The following GINS1 variants were observed in gnomAD, a reference collection of about 807,000 sequenced individuals.
GINS1 encodes the protein DNA replication complex GINS protein PSF1.
GINS1 carries 26 observed loss-of-function variants against 34.9 expected under a neutral mutation model. That is an observed-to-expected ratio of 0.74 (90% CI 0.55 to 1.03). The LOEUF (loss-of-function observed/expected upper bound fraction) is 1.03, where lower values mean the gene tolerates loss of function less well. GINS1 is among the 50% of genes least tolerant of loss of function. The pLI is 0.00. For synonymous variants in GINS1, 97 were observed against 84.4 expected, an observed-to-expected ratio of 1.15 and a Z score of -0.82; for missense variants, 235 against 237.9, an observed-to-expected ratio of 0.99 and a Z score of 0.08.
chr20:25,418,282 T>A, intron 4 of GINS1, 87 bp downstream of exon 4: 2 of 843,812 alleles, frequency 2.4e-6, no homozygotes. Flanking sequence ...GTATTCCTCT[T>A]TTTGTGTTTA....
At position 25,413,859 on chromosome 20, in the gene GINS1, G is replaced by C. The variant is rs1263157207; in HGVS notation, c.140+5G>C. ...TGAACAAAACCAGTCTGATGTGTAAGTTTCATAAGATGATATTCTAAAACA... is the reference window on the plus strand; with the variant it reads ...TGAACAAAACCAGTCTGATGTGTAACTTTCATAAGATGATATTCTAAAACA... On this transcript the variant is annotated splice_donor_5th_base_variant and intron_variant, in intron 2 of 6. Transcript: ENST00000262460. The C allele has an allele frequency of 8.1e-6, 12 of 1,489,298 alleles. No individual in the cohort carries two copies. Among genetic ancestry groups the C allele is most frequent in the Non-Finnish European group, 1.1e-5 (12 of 1,065,980 alleles). The allele number at this position is 1,489,298 out of a possible 1,614,324, so 92.3% of individuals were successfully genotyped here.
chr20:25,417,966 C>T (rs1430725000), intron 3 of GINS1, 139 bp from the exon 4 acceptor site: 2 of 673,836 alleles, frequency 3.0e-6, no homozygotes, highest in African/African-American at 1.7e-5. Flanking sequence ...CAGGTCGACT[C>T]TCAGACTGTG....
Position 25,441,703 on chromosome 20 carries a change from TCCG to T in GINS1, c.450_452del (p.Arg151del). ...AACATCTCTCATTTTTTCTTTCAGG[TCCG>T]GTGTCTAAAAGACTATGGAGAATTT... On this transcript the variant is annotated inframe_deletion and splice_region_variant, in exon 6 of 7. Coordinates refer to ENST00000262460, the MANE Select transcript of GINS1 (RefSeq NM_021067.5). The T allele has an allele frequency of 6.6e-7, 1 of 1,512,706 alleles. No individual in the cohort carries two copies. The highest frequency in any genetic ancestry group is 9.1e-7 in the Non-Finnish European group (1 of 1,103,468). 93.7% of individuals were successfully genotyped at this position (1,512,706 alleles called of 1,614,324 possible).
At chr20:25,442,132 A>G (rs946976570) in intron 6 of GINS1, among the ~76,000 whole-genome samples, 5 of 152,214 alleles carry the variant, frequency 3.3e-5, no homozygotes, top group African/African-American at 9.7e-5. Flanking sequence ...AAAGTTCCTA[A>G]GCAGTTTTTT....
intron 5 of GINS1, among the ~76,000 whole-genome samples, chr20:25,428,967 C>CTTTTTTTTT (rs1241187859): frequency 4.4e-5 from 5 of 114,222 alleles, no homozygotes; most frequent in Admixed American, 1.1e-4. Context: ...TCATTCCTCT[C>CTTTTTTTTT]TCTTTTTTTT....
At chr20:25,427,646 G>T (rs1483280499) in intron 5 of GINS1, among the ~76,000 whole-genome samples, 2 of 152,216 alleles carry the variant, frequency 1.3e-5, no homozygotes, top group East Asian at 3.9e-4. Context: ...CCCCCTTTAT[G>T]GGGCCCATTT....
chr20:25,409,882 G>T (rs2090272642), intron 1 of GINS1, among the ~76,000 whole-genome samples: 2 of 152,210 alleles, frequency 1.3e-5, no homozygotes, highest in African/African-American at 4.8e-5. Flanking sequence ...AGAGGTCATT[G>T]TACATATCAG....
Position 25,446,101 on chromosome 20 carries a change from G to A in GINS1, c.*110G>A, listed in dbSNP as rs1411522750. On this transcript the variant is annotated 3_prime_UTR_variant, in exon 7 of 7. Coordinates refer to ENST00000262460, the MANE Select transcript of GINS1 (RefSeq NM_021067.5). The stretch of plus-strand genomic sequence containing the variant: ...TTTGATTTTAGAAGCTATAGACATT[G>A]TTTAAGATAACTAAGAATACTTGGC... 1.7e-6 allele frequency: 1 copy of A among 575,240 alleles called. No homozygotes were observed. Among genetic ancestry groups the A allele is most frequent in the Admixed American group, 3.2e-5 (1 of 31,534 alleles). 35.6% of individuals were successfully genotyped at this position (575,240 alleles called of 1,614,324 possible).
intron 1 of GINS1, among the ~76,000 whole-genome samples, chr20:25,408,352 CATG>C (rs1406375860): frequency 6.6e-6 from 1 of 152,132 alleles, no homozygotes; most frequent in African/African-American, 2.4e-5. Context: ...GTACCCAACG[CATG>C]ATGTAGTGGA....
chr20:25,445,196 T>A (rs2090504194), intron 6 of GINS1, among the ~76,000 whole-genome samples: 2 of 152,180 alleles, frequency 1.3e-5, no homozygotes, highest in Admixed American at 1.3e-4. Flanking sequence ...CAAATATAGT[T>A]TAACTTTTTT....
intron 4 of GINS1, among the ~76,000 whole-genome samples, chr20:25,422,404 T>C (rs1010017824): frequency 6.6e-6 from 1 of 151,132 alleles, no homozygotes; most frequent in Non-Finnish European, 1.5e-5. Flanking sequence ...TGAAACCCTA[T>C]CTCTACCAAA....
chr20:25,435,775 AAAAAAAAAAAAAAC>A (rs1568808250), intron 5 of GINS1, among the ~76,000 whole-genome samples: 2 of 122,874 alleles, frequency 1.6e-5, no homozygotes, highest in Non-Finnish European at 1.7e-5. Flanking sequence ...AAAAAAAAAA[AAAAAAAAAAAAAAC>A]CAACTTTTTG....
In GINS1 at chr20:25,446,071, C is replaced by A; in HGVS notation, c.*80C>A. 1.4e-6 allele frequency: 1 copy of A among 701,832 alleles called. No individual in the cohort carries two copies. Among genetic ancestry groups the A allele is most frequent in the South Asian group, 1.9e-5 (1 of 51,658 alleles). The allele number at this position is 701,832 out of a possible 1,614,324, so 43.5% of individuals were successfully genotyped here. Reference sequence around the variant, plus strand: ...ACTCTCTCCACCACTCCCTTCACCTCCCTCTTTGATTTTAGAAGCTATAGA... The same window carrying A: ...ACTCTCTCCACCACTCCCTTCACCTACCTCTTTGATTTTAGAAGCTATAGA... On this transcript the variant is annotated 3_prime_UTR_variant, in exon 7 of 7. Transcript: ENST00000262460.
intron 1 of GINS1, among the ~76,000 whole-genome samples, chr20:25,412,779 C>A (rs1384832881): frequency 6.6e-6 from 1 of 152,042 alleles, no homozygotes; most frequent in Non-Finnish European, 1.5e-5. Flanking sequence ...TCTCATATAA[C>A]CCATAAATAT....
chr20:25,413,913 C>T (rs565689892), intron 2 of GINS1, 59 bp downstream of exon 2: 66 of 1,029,562 alleles, frequency 6.4e-5, no homozygotes, highest in South Asian at 2.9e-4. Context: ...TGAAATTGGC[C>T]GGGCGCGGTG....
In GINS1 at chr20:25,407,761, A is replaced by G. The variant is rs2146178281; in HGVS notation, c.-60A>G. On this transcript the variant is annotated 5_prime_UTR_variant, in exon 1 of 7. Coordinates refer to ENST00000262460, the MANE Select transcript of GINS1 (RefSeq NM_021067.5). ...AAGGAGTGAGGCGCCGAGAGCCCAGATACCATTTTGGCGTGAGAGCTGGTG... is the reference window on the plus strand; with the variant it reads ...AAGGAGTGAGGCGCCGAGAGCCCAGGTACCATTTTGGCGTGAGAGCTGGTG... 4 of 1,309,450 alleles carry G rather than the reference A, an allele frequency of 3.1e-6. No homozygotes were observed. In the South Asian group the frequency reaches 3.6e-5, roughly 12 times the overall value. The allele number at this position is 1,309,450 out of a possible 1,614,324, so 81.1% of individuals were successfully genotyped here. A position where few individuals can be genotyped will look rare whatever the true frequency, so the allele number is the denominator to read the frequency against.
chr20:25,408,198 A>G lies in GINS1; in HGVS notation c.75+303A>G, dbSNP rs73331880. ...ATAATTTAGCATTTCTTGCTCACTC[A>G]GGCATCTAATCGTGGTCAGTAAAAG... On this transcript the variant is annotated intron_variant, in intron 1 of 6. Coordinates refer to ENST00000262460, the MANE Select transcript of GINS1 (RefSeq NM_021067.5). Among the ~76,000 whole-genome samples, 999 of 152,288 alleles carry G rather than the reference A, an allele frequency of 6.6e-3. 16 individuals carry two copies. Among genetic ancestry groups the G allele is most frequent in the African/African-American group, 0.023 (957 of 41,558 alleles).
chr20:25,444,965 G>A (rs955875573), intron 6 of GINS1, among the ~76,000 whole-genome samples: 15 of 152,294 alleles, frequency 9.8e-5, no homozygotes, highest in Admixed American at 7.2e-4. Flanking sequence ...AGAAATGAGC[G>A]TTTCATGGGT....
intron 1 of GINS1, among the ~76,000 whole-genome samples, chr20:25,409,691 C>T (rs1047053164): frequency 6.6e-6 from 1 of 152,220 alleles, no homozygotes; most frequent in African/African-American, 2.4e-5. Context: ...TCTGAATTTA[C>T]AGCATATTGG....
Sources: gnomAD v4.1 joint callset for allele counts (sites outside exome capture counted in the v4.1 genomes callset) on GRCh38, gnomAD v4.1.1 for gene constraint, MANE v1.5 for transcripts, NCBI Gene and HGNC (gene_info 2026-07-23, HGNC 2026-07-21) for gene names.